AKAP6: variants seen among roughly 807,000 people sequenced by gnomAD.
The protein encoded by AKAP6 is A-kinase anchoring protein 6, also known as A-kinase anchor protein 6.
In AKAP6, 58 loss-of-function variants were observed where a neutral mutation model predicts 188.5. The observed-to-expected ratio is 0.31, with a 90% CI of 0.25 to 0.38. The LOEUF (loss-of-function observed/expected upper bound fraction) is 0.38, where lower values mean the gene tolerates loss of function less well. Among genes scored for constraint, AKAP6 ranks in the 10% least tolerant of loss-of-function variants. AKAP6 has a pLI of 1.00. For synonymous variants in AKAP6, 989 were observed against 998.6 expected (o/e 0.99, Z 0.18); for missense variants, 2,710 against 2,740.0 (o/e 0.99, Z 0.24).
intron 2 of AKAP6, among the ~76,000 whole-genome samples, chr14:32,449,557 TA>T (rs1185566927): frequency 6.7e-6 from 1 of 149,666 alleles, no homozygotes; most frequent in East Asian, 2.0e-4. Context: ...AGGAAAAGAA[TA>T]AATACTTTCT....
chr14:32,794,730 G>A (rs992484446), intron 12 of AKAP6, among the ~76,000 whole-genome samples: 12 of 152,080 alleles, frequency 7.9e-5, no homozygotes, highest in African/African-American at 2.4e-4. Context: ...ATCTCAACTA[G>A]AAACTAGAGA....
chr14:32,397,988 A>G (rs1196499219), intron 1 of AKAP6, among the ~76,000 whole-genome samples: 2 of 152,196 alleles, frequency 1.3e-5, no homozygotes, highest in African/African-American at 4.8e-5. Flanking sequence ...CTAGTCTGGC[A>G]ATGTTGCTTT....
intron 7 of AKAP6, among the ~76,000 whole-genome samples, chr14:32,642,271 C>A (rs765445259): frequency 1.3e-5 from 2 of 152,160 alleles, no homozygotes; most frequent in Non-Finnish European, 2.9e-5. Context: ...TTTAGCAATG[C>A]CCCTTCAGGA....
At chr14:32,354,834 G>A (rs1392309318) in intron 1 of AKAP6, among the ~76,000 whole-genome samples, 2 of 151,118 alleles carry the variant, frequency 1.3e-5, no homozygotes, top group African/African-American at 2.4e-5. Context: ...ATGTGCTTCT[G>A]TTTGCCTAGT....
At chr14:32,337,242 A>G (rs985360118) in intron 1 of AKAP6, among the ~76,000 whole-genome samples, 2 of 152,168 alleles carry the variant, frequency 1.3e-5, no homozygotes, top group African/African-American at 2.4e-5. Context: ...GGTTATTGGT[A>G]CATTTCATTT....
intron 12 of AKAP6, among the ~76,000 whole-genome samples, chr14:32,776,490 T>C (rs900300050): frequency 1.3e-5 from 2 of 152,186 alleles, no homozygotes; most frequent in African/African-American, 4.8e-5. Flanking sequence ...TTTTTCTTTA[T>C]AAATTATTCA....
intron 11 of AKAP6, among the ~76,000 whole-genome samples, chr14:32,745,669 GGCTACT>G (rs1377310515): frequency 6.6e-6 from 1 of 152,092 alleles, no homozygotes; most frequent in Non-Finnish European, 1.5e-5. Context: ...AACACTCCCT[GGCTACT>G]GCCTGTGTTT....
intron 5 of AKAP6, among the ~76,000 whole-genome samples, chr14:32,578,050 G>A (rs572644755): frequency 2.9e-4 from 44 of 152,200 alleles, no homozygotes; most frequent in African/African-American, 1.0e-3. Flanking sequence ...CAAAGGCAAT[G>A]AACATGAATC....
chr14:32,343,673 G>C (rs4368088), intron 1 of AKAP6, among the ~76,000 whole-genome samples: 3 of 145,474 alleles, frequency 2.1e-5, no homozygotes, highest in African/African-American at 7.8e-5. Context: ...GCGTGAACCC[G>C]GAAGGAGGAG....
chr14:32,713,748 G>T (rs1380050958), intron 9 of AKAP6, among the ~76,000 whole-genome samples: 1 of 152,012 alleles, frequency 6.6e-6, no homozygotes, highest in Non-Finnish European at 1.5e-5. Flanking sequence ...AATTAGGTTT[G>T]GCTTGAGGGA....
chr14:32,781,901 A>G (rs549614829), intron 12 of AKAP6, among the ~76,000 whole-genome samples: 1 of 151,916 alleles, frequency 6.6e-6, no homozygotes, highest in African/African-American at 2.4e-5. Flanking sequence ...GGTGGCTCAC[A>G]CCTGTAATCC....
At chr14:32,363,576 C>A (rs1887732639) in intron 1 of AKAP6, among the ~76,000 whole-genome samples, 1 of 152,138 alleles carries the variant, frequency 6.6e-6, no homozygotes. Flanking sequence ...ACTTGGAGTC[C>A]TATGTTCAAG....
intron 5 of AKAP6, among the ~76,000 whole-genome samples, chr14:32,583,963 C>T (rs1025209489): frequency 2.0e-4 from 31 of 152,196 alleles, no homozygotes; most frequent in African/African-American, 5.3e-4. Context: ...CTTTGGCTCG[C>T]GCACGGTGCG....
intron 8 of AKAP6, among the ~76,000 whole-genome samples, chr14:32,692,550 A>G (rs1890227259): frequency 6.6e-6 from 1 of 152,202 alleles, no homozygotes; most frequent in Non-Finnish European, 1.5e-5. Context: ...AAGAATGAGT[A>G]AAGCAGCCTG....
intron 11 of AKAP6, among the ~76,000 whole-genome samples, chr14:32,751,237 C>T (rs1249957443): frequency 2.0e-5 from 3 of 151,936 alleles, no homozygotes; most frequent in African/African-American, 7.3e-5. Flanking sequence ...TAATAATTTT[C>T]ACAGGAAAAG....
In AKAP6 at chr14:32,358,858, G is replaced by C. The variant is rs928418733; in HGVS notation, c.-35+29450G>C. ...TTCAATATTAAGCAGATATGGTAGA[G>C]ATTTCAATCATTGTTGGACTGATTG... On this transcript the variant is annotated intron_variant, in intron 1 of 13. Coordinates refer to ENST00000280979, the MANE Select transcript of AKAP6 (RefSeq NM_004274.5). Among the ~76,000 whole-genome samples the C allele has an allele frequency of 5.9e-5, 9 of 152,302 alleles. 1 individual carries two copies. The highest frequency in any genetic ancestry group is 2.2e-4 in the African/African-American group (9 of 41,576).
In AKAP6 at chr14:32,568,819, GTAA is replaced by G. The variant is rs1243951710; in HGVS notation, c.2347-8300_2347-8298del. ...GGATTATGTAAGTGCCTGGTGTGTA[GTAA>G]GTGCTCAGTTAATGTTAACCTATTG... On this transcript the variant is annotated intron_variant, in intron 4 of 13. Transcript: ENST00000280979. The surrounding 1 kb of genome is among the most constrained non-coding windows in gnomAD (Gnocchi z 6.2). Among the ~76,000 whole-genome samples, 1 of 152,180 alleles carries G rather than the reference GTAA, an allele frequency of 6.6e-6. No homozygotes were observed. Among genetic ancestry groups the G allele is most frequent in the African/African-American group, 2.4e-5 (1 of 41,458 alleles).
chr14:32,483,815 A>C (rs1223722086), intron 2 of AKAP6, among the ~76,000 whole-genome samples: 1 of 151,994 alleles, frequency 6.6e-6, no homozygotes, highest in Admixed American at 6.6e-5. Context: ...GTTCTGGGAT[A>C]CATATGCAGA....
At chr14:32,462,261 C>A (rs1297251813) in intron 2 of AKAP6, among the ~76,000 whole-genome samples, 1 of 151,888 alleles carries the variant, frequency 6.6e-6, no homozygotes, top group African/African-American at 2.4e-5. Context: ...GAAGAGCAAC[C>A]CCAAGACACA....
Sources: allele counts gnomAD v4.1 joint callset (sites outside exome capture counted in the v4.1 genomes callset), GRCh38; gene constraint gnomAD v4.1.1; non-coding constraint Gnocchi (gnomAD v3.1); transcripts MANE v1.5; gene names NCBI Gene and HGNC (gene_info 2026-07-23, HGNC 2026-07-21).